The following TRPM7 variants were observed in gnomAD, a reference collection of about 807,000 sequenced individuals.
TRPM7 encodes transient receptor potential cation channel subfamily M member 7, also known as LTRPC ion channel family member 7.
A neutral mutation model predicts 229.7 loss-of-function variants in TRPM7; 134 were observed. The ratio of observed to expected loss-of-function variants is 0.58; its 90% CI spans 0.51 to 0.67. TRPM7 has a LOEUF of 0.67. Among genes scored for constraint, TRPM7 ranks in the 30% least tolerant of loss-of-function variants. TRPM7 has a pLI of 0.00. For missense variants in TRPM7, 1,901 were observed against 2,210.0 expected, an observed-to-expected ratio of 0.86 and a Z score of 2.80; for synonymous variants, 699 against 715.2, an observed-to-expected ratio of 0.98 and a Z score of 0.36.
intron 31 of TRPM7, among the ~76,000 whole-genome samples, chr15:50,578,320 G>T (rs1327958176): frequency 1.3e-5 from 2 of 152,188 alleles, no homozygotes; most frequent in Non-Finnish European, 2.9e-5. Context: ...CAAAGTCAAG[G>T]TGGTCAAGAA....
intron 3 of TRPM7, 40 bp downstream of exon 3, chr15:50,657,741 A>G (rs780230563): frequency 6.3e-7 from 1 of 1,583,594 alleles, no homozygotes; most frequent in Non-Finnish European, 8.6e-7. Flanking sequence ...AGTTTTATTT[A>G]TTTTCCGAAA....
chr15:50,566,124 T>C (rs1310725088), intron 38 of TRPM7, among the ~76,000 whole-genome samples: 1 of 151,844 alleles, frequency 6.6e-6, no homozygotes, highest in Non-Finnish European at 1.5e-5. Context: ...TGAACCCAGC[T>C]CCATAAACTT....
intron 11 of TRPM7, among the ~76,000 whole-genome samples, chr15:50,625,079 A>G (rs1298420983): frequency 6.6e-6 from 1 of 152,240 alleles, no homozygotes; most frequent in Non-Finnish European, 1.5e-5. Flanking sequence ...CAGACTTGAA[A>G]TCAAATATTG....
intron 9 of TRPM7, 97 bp from the exon 10 acceptor site, chr15:50,631,586 T>G (rs980849951): frequency 3.2e-6 from 2 of 631,386 alleles, no homozygotes; most frequent in African/African-American, 3.7e-5. Flanking sequence ...GGGCAAAATA[T>G]ATATGTATGT....
chr15:50,668,564 G>T (rs188303138), intron 1 of TRPM7, among the ~76,000 whole-genome samples: 1 of 152,190 alleles, frequency 6.6e-6, no homozygotes, highest in African/African-American at 2.4e-5. Context: ...CTGGAGGGCA[G>T]TGGCATGATC....
intron 21 of TRPM7, chr15:50,599,532 T>C (rs2140404308): frequency 2.8e-6 from 1 of 358,730 alleles, no homozygotes; most frequent in East Asian, 4.4e-5. Context: ...TGGGCATCTT[T>C]ATCTACATAA....
intron 12 of TRPM7, among the ~76,000 whole-genome samples, chr15:50,621,644 C>T (rs953589262): frequency 1.3e-5 from 2 of 152,116 alleles, no homozygotes; most frequent in African/African-American, 2.4e-5. Flanking sequence ...GAAGCAAATA[C>T]GAGAATCCAG....
chr15:50,570,235 C>A, intron 36 of TRPM7, 80 bp from the exon 37 acceptor site: 1 of 1,023,178 alleles, frequency 9.8e-7, no homozygotes, highest in South Asian at 1.7e-5. Context: ...TAATAAAAAT[C>A]ATCTTAAGAG....
chr15:50,670,024 A>T (rs959033363), intron 1 of TRPM7, among the ~76,000 whole-genome samples: 3 of 152,352 alleles, frequency 2.0e-5, no homozygotes, highest in Middle Eastern at 3.4e-3. Context: ...TTAAACACTT[A>T]TTAATCTTTC....
At chr15:50,638,607 T>C (rs1252703528) in intron 6 of TRPM7, among the ~76,000 whole-genome samples, 1 of 152,066 alleles carries the variant, frequency 6.6e-6, no homozygotes, top group Non-Finnish European at 1.5e-5. Flanking sequence ...TTTCCAGCCA[T>C]GAGTAGACTC....
At chr15:50,639,603 G>C in intron 5 of TRPM7, 55 bp from the exon 6 acceptor site, 2 of 1,544,138 alleles carry the variant, frequency 1.3e-6, no homozygotes, top group Non-Finnish European at 1.8e-6. Flanking sequence ...TAAAGACAGG[G>C]TCACCCAGGA....
intron 36 of TRPM7, among the ~76,000 whole-genome samples, chr15:50,571,557 C>T (rs1220225176): frequency 6.9e-6 from 1 of 143,886 alleles, no homozygotes; most frequent in Non-Finnish European, 1.5e-5. Context: ...TATGATATAT[C>T]GTTAGGCAGA....
Position 50,589,582 on chromosome 15 carries a change from AT to A in TRPM7, c.4389+9del, listed in dbSNP as rs1172336527. On this transcript the variant is annotated intron_variant, in intron 27 of 38. Transcript: ENST00000646667. ...TAGAACTGTGGGTGTTTTAATAAGG[AT>A]TTACTTACGGATAGTATTTTTATCT... 9 of 1,523,118 alleles carry A rather than the reference AT, an allele frequency of 5.9e-6. No individual in the cohort carries two copies. Among genetic ancestry groups the A allele is most frequent in the Non-Finnish European group, 8.1e-6 (9 of 1,105,368 alleles). 94.4% of individuals were successfully genotyped at this position (1,523,118 alleles called of 1,614,324 possible).
At chr15:50,568,057 C>A (rs1462045105) in intron 38 of TRPM7, among the ~76,000 whole-genome samples, 2 of 115,018 alleles carry the variant, frequency 1.7e-5, no homozygotes, top group South Asian at 2.9e-4. Flanking sequence ...CTAGCCTGGG[C>A]AACAGAGCGA....
rs1267172410 is a variant in TRPM7, at chr15:50,559,623, ACTTTAC to A, written c.*2049_*2054del. On this transcript the variant is annotated 3_prime_UTR_variant, in exon 39 of 39. Transcript: ENST00000646667. ...TAAACGTAAGAATCTTATGGACGTT[ACTTTAC>A]CTCTCTAGCACCTTGACTTTCAAAT... The A allele has an allele frequency of 6.6e-6, 1 of 152,228 alleles. No homozygotes were observed. Among genetic ancestry groups the A allele is most frequent in the Admixed American group, 6.5e-5 (1 of 15,274 alleles). The allele number at this position is 152,228 out of a possible 1,614,324, so 9.4% of individuals were successfully genotyped here.
chr15:50,679,536 ATATTTTTT>A (rs1367117320), intron 1 of TRPM7, among the ~76,000 whole-genome samples: 7 of 48,958 alleles, frequency 1.4e-4, no homozygotes, highest in Middle Eastern at 9.1e-3. Flanking sequence ...ATATATATAT[ATATTTTTT>A]TTTTTTTTTG....
chr15:50,651,813 G>A (rs978997147), intron 3 of TRPM7, among the ~76,000 whole-genome samples: 2 of 151,960 alleles, frequency 1.3e-5, no homozygotes, highest in African/African-American at 4.8e-5. Context: ...CTTGAACCCA[G>A]GAGGTGGGGG....
At chr15:50,627,529 A>G (rs532392199) in intron 11 of TRPM7, among the ~76,000 whole-genome samples, 71 of 152,310 alleles carry the variant, frequency 4.7e-4, no homozygotes, top group African/African-American at 1.6e-3. Context: ...AGCAAAGAGG[A>G]TAGTAGTAGC....
chr15:50,631,309 T>C (rs1210943998), intron 10 of TRPM7, 108 bp downstream of exon 10: 3 of 480,922 alleles, frequency 6.2e-6, no homozygotes, highest in Non-Finnish European at 1.1e-5. Flanking sequence ...CATTTAGCCA[T>C]GGTAAAAGGT....
Sources: allele counts gnomAD v4.1 joint callset (sites outside exome capture counted in the v4.1 genomes callset), GRCh38; gene constraint gnomAD v4.1.1; transcripts MANE v1.5; gene names NCBI Gene and HGNC (gene_info 2026-07-23, HGNC 2026-07-21).